Variants in EPB41L2 observed in about 807,000 individuals in gnomAD.
EPB41L2 encodes erythrocyte membrane protein band 4.1 like 2.
A neutral mutation model predicts 113.0 loss-of-function variants in EPB41L2; 43 were observed. The ratio of observed to expected loss-of-function variants is 0.38; its 90% CI spans 0.30 to 0.49. EPB41L2 has a LOEUF of 0.49. Ranked by LOEUF, EPB41L2 falls within the 20% of genes least tolerant of loss-of-function variation. EPB41L2 has a pLI of 0.95. For synonymous variants in EPB41L2, 442 were observed against 436.7 expected (o/e 1.01, Z -0.15); for missense variants, 1,147 against 1,223.4 (o/e 0.94, Z 0.93).
chr6:130,913,679 G>A (rs1030056698), intron 4 of EPB41L2, among the ~76,000 whole-genome samples: 3 of 151,640 alleles, frequency 2.0e-5, no homozygotes, highest in Admixed American at 1.3e-4. Context: ...GTACTTAGAT[G>A]GTAAGTGGGG....
At position 130,844,361 on chromosome 6, in the gene EPB41L2, C is replaced by T. The variant is rs149733713; in HGVS notation, c.*6-3763G>A. On this transcript the variant is annotated intron_variant, in intron 19 of 19. Transcript: ENST00000337057. ...GCAGATCACGAGGTCAGGGGTTTCA[C>T]ATGGTGAAACCATGTGGCCAACATG... 1.7e-3 allele frequency among the ~76,000 whole-genome samples: 258 copies of T among 151,362 alleles called. 1 individual carries two copies. Among genetic ancestry groups the T allele is most frequent in the African/African-American group, 5.9e-3 (244 of 41,174 alleles).
intron 4 of EPB41L2, among the ~76,000 whole-genome samples, chr6:130,919,308 T>C (rs1802123850): frequency 6.6e-6 from 1 of 152,190 alleles, no homozygotes; most frequent in South Asian, 2.1e-4. Context: ...AACGCTACAG[T>C]AGACCCAAAC....
At chr6:130,886,136 G>C in intron 11 of EPB41L2, among the ~76,000 whole-genome samples, 1 of 152,170 alleles carries the variant, frequency 6.6e-6, no homozygotes, top group East Asian at 1.9e-4. Flanking sequence ...ACACCATGAA[G>C]TTTACTCTGG....
chr6:130,907,713 G>C (rs954196704), intron 5 of EPB41L2, among the ~76,000 whole-genome samples: 2 of 152,052 alleles, frequency 1.3e-5, no homozygotes, highest in African/African-American at 4.8e-5. Context: ...CTACCAAAAA[G>C]ATAAATAATT....
In EPB41L2 at chr6:130,901,161, G is replaced by C. The variant is rs1423172993; in HGVS notation, c.949C>G (p.Leu317Val). Reference protein sequence around the residue: ...DITRYFLCLQLRQDIASGRLP... With the variant: ...DITRYFLCLQVRQDIASGRLP... ...CGGCCAGAGGCAATGTCCTGCCGGA[G>C]CTGAAGGCACAAGAAGTATCTGTGA... Residue 317 changes from leucine (L) to valine (V), a missense_variant, in exon 7 of 20, where the codon CTC (leucine) becomes GTC (valine). Transcript: ENST00000337057. 6.2e-7 allele frequency: 1 copy of C among 1,613,694 alleles called. No homozygotes were observed. The highest frequency in any genetic ancestry group is 8.5e-7 in the Non-Finnish European group (1 of 1,179,984).
rs755663986 is a variant in EPB41L2, at chr6:130,885,199, T to C, written c.1730A>G (p.Tyr577Cys). 12 of 1,614,148 alleles carry C rather than the reference T, an allele frequency of 7.4e-6. No homozygotes were observed. Among genetic ancestry groups the C allele is most frequent in the African/African-American group, 1.3e-5 (1 of 75,042 alleles). The change falls in exon 12 of 20, where the codon TAT becomes TGT. Residue 577 changes from tyrosine (Y) to cysteine (C), a missense_variant. Physicochemically the swap from Tyr to Cys is radical, Grantham distance 194. Transcript: ENST00000337057. ...FPGAAGEISA[Y>C]GPGLVSIAVV... ...GGCAATGCTGACAAGTCCAGGTCCA[T>C]AGGCTGAAATCTCCCCAGCAGCGCC... is the stretch of plus-strand genomic sequence containing the variant.
chr6:130,995,734 G>T (rs1316339097), intron 1 of EPB41L2, among the ~76,000 whole-genome samples: 9 of 152,266 alleles, frequency 5.9e-5, no homozygotes, highest in Middle Eastern at 3.4e-3. Flanking sequence ...AGCTGCCATA[G>T]CTAACTTTCC....
At chr6:130,988,762 A>C (rs931446970) in intron 1 of EPB41L2, among the ~76,000 whole-genome samples, 1 of 152,198 alleles carries the variant, frequency 6.6e-6, no homozygotes, top group African/African-American at 2.4e-5. Context: ...ACTAGCTACA[A>C]ATCAGCTCAA....
chr6:130,950,671 C>T (rs1024044907), intron 3 of EPB41L2, among the ~76,000 whole-genome samples: 1 of 152,084 alleles, frequency 6.6e-6, no homozygotes, highest in African/African-American at 2.4e-5. Context: ...AAAAGGGAAG[C>T]AACTTTATGA....
intron 1 of EPB41L2, among the ~76,000 whole-genome samples, chr6:131,037,399 G>A (rs924912643): frequency 1.2e-4 from 19 of 152,070 alleles, no homozygotes; most frequent in African/African-American, 4.3e-4. Flanking sequence ...GCTGACATAT[G>A]AGCTGTGCCT....
intron 4 of EPB41L2, among the ~76,000 whole-genome samples, chr6:130,912,338 C>A (rs1464855090): frequency 1.3e-5 from 2 of 152,082 alleles, no homozygotes; most frequent in African/African-American, 4.8e-5. Context: ...TGTCTTAATA[C>A]CATATTAAAA....
chr6:130,948,568 T>TA, intron 3 of EPB41L2, among the ~76,000 whole-genome samples: 1 of 152,088 alleles, frequency 6.6e-6, no homozygotes. Context: ...AATGGCAAAA[T>TA]AGAGTCACTA....
chr6:130,917,275 C>T (rs1157114333), intron 4 of EPB41L2, among the ~76,000 whole-genome samples: 1 of 152,156 alleles, frequency 6.6e-6, no homozygotes, highest in Non-Finnish European at 1.5e-5. Context: ...TTTTCTTGAC[C>T]AAACTTTAGT....
At chr6:131,029,391 T>TAAA (rs757528439) in intron 1 of EPB41L2, among the ~76,000 whole-genome samples, 139 of 119,434 alleles carry the variant, frequency 1.2e-3, no homozygotes, top group African/African-American at 4.0e-3. Context: ...AGCATTTGTT[T>TAAA]AAAAAAAAAA....
intron 1 of EPB41L2, among the ~76,000 whole-genome samples, chr6:130,979,509 A>T (rs989785587): frequency 1.4e-4 from 21 of 151,462 alleles, no homozygotes; most frequent in Non-Finnish European, 2.7e-4. Context: ...AAAAAAAAAA[A>T]AAAAGGAAAC....
chr6:130,949,536 G>A (rs1325667967), intron 3 of EPB41L2, among the ~76,000 whole-genome samples: 1 of 151,962 alleles, frequency 6.6e-6, no homozygotes, highest in East Asian at 1.9e-4. Context: ...CTGCACTCCA[G>A]TCTGGGCAAC....
At chr6:130,943,789 T>C (rs1197466259) in intron 3 of EPB41L2, among the ~76,000 whole-genome samples, 1 of 152,112 alleles carries the variant, frequency 6.6e-6, no homozygotes, top group Non-Finnish European at 1.5e-5. Flanking sequence ...GGAGGCATTA[T>C]TAGAAAACAA....
chr6:130,872,336 G>A (rs953862252), intron 14 of EPB41L2: 15 of 1,263,924 alleles, frequency 1.2e-5, no homozygotes, highest in South Asian at 2.6e-5. Context: ...CTCATATGTG[G>A]CTTTTAGTAA....
At chr6:130,965,685 C>T (rs918127587) in intron 1 of EPB41L2, among the ~76,000 whole-genome samples, 6 of 146,262 alleles carry the variant, frequency 4.1e-5, no homozygotes, top group African/African-American at 1.0e-4. Context: ...ACAAGTGGCA[C>T]ATAAACATAT....
Sources: allele counts gnomAD v4.1 joint callset (sites outside exome capture counted in the v4.1 genomes callset), GRCh38; gene constraint gnomAD v4.1.1; transcripts MANE v1.5; gene names NCBI Gene and HGNC (gene_info 2026-07-23, HGNC 2026-07-21).